Variants in SNX8 observed in about 807,000 individuals in gnomAD.
The protein encoded by SNX8 is sorting nexin 8.
In SNX8, 25 loss-of-function variants were observed where a neutral mutation model predicts 51.6. The observed-to-expected ratio is 0.48, with a 90% CI of 0.35 to 0.68. The LOEUF is 0.68. Ranked by LOEUF, SNX8 falls within the 30% of genes least tolerant of loss-of-function variation. SNX8 has a pLI of 0.00. For missense variants in SNX8, 695 were observed against 624.0 expected, an observed-to-expected ratio of 1.11 and a Z score of -1.21; for synonymous variants, 324 against 277.0, an observed-to-expected ratio of 1.17 and a Z score of -1.68.
chr7:2,296,486 T>C (rs1227063089), intron 1 of SNX8, among the ~76,000 whole-genome samples: 1 of 151,966 alleles, frequency 6.6e-6, no homozygotes, highest in Non-Finnish European at 1.5e-5. Flanking sequence ...TAGAGGAGTC[T>C]TGAGGGTGTT....
intron 1 of SNX8, chr7:2,354,027 C>T (rs192951512): frequency 6.6e-6 from 1 of 152,402 alleles, no homozygotes; most frequent in East Asian, 1.9e-4. Context: ...GCGAACCGCT[C>T]CGGTCCCTCC....
intron 1 of SNX8, among the ~76,000 whole-genome samples, chr7:2,321,228 G>T (rs943232620): frequency 3.3e-5 from 5 of 151,940 alleles, no homozygotes; most frequent in African/African-American, 1.2e-4. Context: ...GAAACGGTGG[G>T]GGGAATAATC....
At chr7:2,287,650 C>G (rs1228575280) in intron 1 of SNX8, among the ~76,000 whole-genome samples, 6 of 152,050 alleles carry the variant, frequency 3.9e-5, no homozygotes. Flanking sequence ...ACTTGGGAGA[C>G]TGAGGCAGGA....
chr7:2,319,554 G>A (rs912689761), intron 1 of SNX8, among the ~76,000 whole-genome samples: 4 of 152,058 alleles, frequency 2.6e-5, no homozygotes, highest in South Asian at 4.1e-4. Flanking sequence ...GGTGGCTCAC[G>A]CCTGTAATCC....
In SNX8 at chr7:2,271,836, G is replaced by A. The variant is rs760167808; in HGVS notation, c.540+14C>T. 1.3e-5 allele frequency: 20 copies of A among 1,594,232 alleles called. No homozygotes were observed. The highest frequency in any genetic ancestry group is 1.8e-5 in the Admixed American group (1 of 56,092). On this transcript the variant is annotated intron_variant, in intron 4 of 10. Coordinates refer to ENST00000222990, the MANE Select transcript of SNX8 (RefSeq NM_013321.4). Reference sequence around the variant, plus strand: ...TCCCCGGGGCCGGGACATGGGCAGGGCAGACACACTCACCGAGCCGCTGAA... The same window carrying A: ...TCCCCGGGGCCGGGACATGGGCAGGACAGACACACTCACCGAGCCGCTGAA...
At chr7:2,278,682 C>T (rs1795842995) in intron 1 of SNX8, among the ~76,000 whole-genome samples, 1 of 131,266 alleles carries the variant, frequency 7.6e-6, no homozygotes, top group Non-Finnish European at 1.6e-5. Flanking sequence ...GACTCACTCA[C>T]ACTACGGAGT....
At chr7:2,336,734 C>G (rs10252176) in intron 1 of SNX8, among the ~76,000 whole-genome samples, 75,655 of 151,428 alleles carry the variant, frequency 0.5, 19,375 homozygotes, top group East Asian at 0.78. Flanking sequence ...AGCCTGGGCA[C>G]AGTGGCTCAC....
chr7:2,268,569 T>C (rs866291886), intron 5 of SNX8, among the ~76,000 whole-genome samples: 828 of 104,004 alleles, frequency 8.0e-3, no homozygotes, highest in Middle Eastern at 0.044. Context: ...GCCCCCCGCC[T>C]GGCCAGCCGC....
intron 1 of SNX8, among the ~76,000 whole-genome samples, chr7:2,292,460 G>A (rs1379959111): frequency 6.7e-6 from 1 of 150,154 alleles, no homozygotes; most frequent in Non-Finnish European, 1.5e-5. Flanking sequence ...CGCCCAGGCT[G>A]TAGTGCAGTG....
chr7:2,348,372 G>C (rs1230238325), intron 1 of SNX8, among the ~76,000 whole-genome samples: 18 of 131,254 alleles, frequency 1.4e-4, no homozygotes, highest in African/African-American at 4.9e-4. Flanking sequence ...ACAGAGTCTC[G>C]CTCTGTCGCC....
At chr7:2,289,364 T>C (rs947941014) in intron 1 of SNX8, among the ~76,000 whole-genome samples, 3 of 152,222 alleles carry the variant, frequency 2.0e-5, no homozygotes, top group African/African-American at 7.2e-5. Flanking sequence ...TCTGCATATG[T>C]TCAGCTTGGT....
At chr7:2,298,153 G>T (rs1796313505) in intron 1 of SNX8, among the ~76,000 whole-genome samples, 1 of 151,956 alleles carries the variant, frequency 6.6e-6, no homozygotes, top group African/African-American at 2.4e-5. Context: ...CTGTCGTGCA[G>T]GCTGGAGTAC....
chr7:2,271,663 G>A (rs950783849), intron 4 of SNX8, among the ~76,000 whole-genome samples, 187 bp downstream of exon 4: 2 of 152,104 alleles, frequency 1.3e-5, no homozygotes, highest in Admixed American at 1.3e-4. Context: ...TCAACACCAG[G>A]GACACCTCTG....
intron 5 of SNX8, among the ~76,000 whole-genome samples, chr7:2,266,884 T>C (rs959478328): frequency 1.4e-4 from 22 of 152,210 alleles, no homozygotes; most frequent in African/African-American, 5.3e-4. Flanking sequence ...ACCTTAGTCT[T>C]TTTTGGAAAA....
intron 6 of SNX8, 29 bp downstream of exon 6, chr7:2,264,269 G>GC: frequency 1.3e-6 from 2 of 1,594,730 alleles, no homozygotes; most frequent in Non-Finnish European, 1.7e-6. Flanking sequence ...CACCGCGCGT[G>GC]CCCCTGCAGA....
At chr7:2,320,475 G>C (rs59973093) in intron 1 of SNX8, among the ~76,000 whole-genome samples, 44,561 of 152,012 alleles carry the variant, frequency 0.29, 6,718 homozygotes, top group Middle Eastern at 0.46. Context: ...AATCTCAGCA[G>C]TTTGGGAGGC....
intron 7 of SNX8, among the ~76,000 whole-genome samples, chr7:2,259,065 C>G (rs1466672000): frequency 6.6e-6 from 1 of 152,212 alleles, no homozygotes; most frequent in Non-Finnish European, 1.5e-5. Context: ...ACACACGGTG[C>G]TCAGAGGCAT....
chr7:2,319,921 A>C (rs1420235879), intron 1 of SNX8, among the ~76,000 whole-genome samples: 1 of 151,972 alleles, frequency 6.6e-6, no homozygotes, highest in Non-Finnish European at 1.5e-5. Flanking sequence ...CAGAGGTTGC[A>C]GTGAGCCGAG....
At chr7:2,320,129 G>C (rs1028376018) in intron 1 of SNX8, among the ~76,000 whole-genome samples, 1 of 152,190 alleles carries the variant, frequency 6.6e-6, no homozygotes, top group African/African-American at 2.4e-5. Flanking sequence ...CCTGAGGCAG[G>C]CGGATCACCT....
Sources: gnomAD v4.1 joint callset for allele counts (sites outside exome capture counted in the v4.1 genomes callset) on GRCh38, gnomAD v4.1.1 for gene constraint, MANE v1.5 for transcripts, NCBI Gene and HGNC (gene_info 2026-07-23, HGNC 2026-07-21) for gene names.